Variants in PCDHGA8 observed in about 807,000 individuals in gnomAD.
The protein encoded by PCDHGA8 is protocadherin gamma-A8.
PCDHGA8 carries 45 observed loss-of-function variants against 59.2 expected under a neutral mutation model. The ratio of observed to expected loss-of-function variants is 0.76; its 90% CI spans 0.60 to 0.98. PCDHGA8 has a LOEUF of 0.98. PCDHGA8 is among the 50% of genes least tolerant of loss of function. The pLI, the probability that PCDHGA8 is intolerant of heterozygous loss-of-function variation, is 0.00. For missense variants in PCDHGA8, 1,257 were observed against 1,196.2 expected, an observed-to-expected ratio of 1.05 and a Z score of -0.75; for synonymous variants, 531 against 519.0, an observed-to-expected ratio of 1.02 and a Z score of -0.32.
At chr5:141,466,324 C>A (rs2154569179) in intron 1 of PCDHGA8, among the ~76,000 whole-genome samples, 1 of 152,218 alleles carries the variant, frequency 6.6e-6, no homozygotes, top group East Asian at 1.9e-4. Context: ...GCACATGCTA[C>A]CATGCCTGGA....
intron 1 of PCDHGA8, among the ~76,000 whole-genome samples, chr5:141,450,315 G>A (rs1319432573): frequency 1.3e-5 from 2 of 151,918 alleles, no homozygotes; most frequent in African/African-American, 4.8e-5. Context: ...GTGTGGCCTA[G>A]TTGCCATGTC....
intron 1 of PCDHGA8, chr5:141,423,829 A>G: frequency 7.9e-7 from 1 of 1,268,964 alleles, no homozygotes; most frequent in Non-Finnish European, 9.9e-7. Flanking sequence ...GCCTTTCATG[A>G]GATTACGATA....
At chr5:141,467,117 A>G (rs62379198) in intron 1 of PCDHGA8, among the ~76,000 whole-genome samples, 35,587 of 150,646 alleles carry the variant, frequency 0.24, 4,364 homozygotes, top group Admixed American at 0.32. Flanking sequence ...CAATGGTGCA[A>G]TCTCAGCTCA....
intron 1 of PCDHGA8, chr5:141,428,334 C>T: frequency 1.6e-6 from 1 of 618,848 alleles, no homozygotes; most frequent in Non-Finnish European, 2.9e-6. Flanking sequence ...TTTCTATGCT[C>T]TTCTTCCTCG....
rs1354360582 is a variant in PCDHGA8 at position 141,491,147 on chromosome 5, A to T, written c.2425-3660A>T. On this transcript the variant is annotated intron_variant, in intron 1 of 3. Transcript: ENST00000398604. The surrounding 1 kb of genome is among the most constrained non-coding windows in gnomAD (Gnocchi z 6.9). ...GTGCGCACAGCCCGGGCCTTACTGG[A>T]GGATGACTCTGACACCCAGCAGGTG... The T allele has an allele frequency of 1.9e-6, 3 of 1,613,980 alleles. No homozygotes were observed. The highest frequency in any genetic ancestry group is 2.5e-6 in the Non-Finnish European group (3 of 1,179,994).
Position 141,483,626 on chromosome 5 carries a change from G to A in PCDHGA8, c.2425-11181G>A, listed in dbSNP as rs112905417. On this transcript the variant is annotated intron_variant, in intron 1 of 3. Coordinates refer to ENST00000398604, the MANE Select transcript of PCDHGA8 (RefSeq NM_032088.2). ...TTACACCTCCATCATTCCCATGGGA[G>A]AAGGTATAGAGGGGTGTGTGTTTGT... Among the ~76,000 whole-genome samples the A allele has an allele frequency of 6.0e-4, 90 of 150,886 alleles. 1 individual carries two copies. The highest frequency in any genetic ancestry group is 1.7e-3 in the African/African-American group (69 of 40,378).
At position 141,393,712 on chromosome 5, in the gene PCDHGA8, A is replaced by G; in HGVS notation, c.899A>G (p.Glu300Gly). ...TTCCAGCTTAATGAAAATACTGGGG[A>G]AATATCAATAGCAAAAAGTCTAGAT... ...PLFQLNENTG[E>G]ISIAKSLDYE... Residue 300 changes from glutamate to glycine, a missense_variant, in exon 1 of 4, where the codon GAA becomes GGA. Coordinates refer to ENST00000398604, the MANE Select transcript of PCDHGA8 (RefSeq NM_032088.2). 1 of 1,613,874 alleles carries G rather than the reference A, an allele frequency of 6.2e-7. No individual in the cohort carries two copies. Among genetic ancestry groups the G allele is most frequent in the Non-Finnish European group, 8.5e-7 (1 of 1,179,898 alleles).
At chr5:141,484,437 T>C (rs2099596528) in intron 1 of PCDHGA8, among the ~76,000 whole-genome samples, 1 of 152,232 alleles carries the variant, frequency 6.6e-6, no homozygotes, top group African/African-American at 2.4e-5. Context: ...ATGTACTGCA[T>C]AAATTTAATT....
At chr5:141,435,026 C>T (rs977017371) in intron 1 of PCDHGA8, among the ~76,000 whole-genome samples, 1 of 151,978 alleles carries the variant, frequency 6.6e-6, no homozygotes, top group Non-Finnish European at 1.5e-5. Flanking sequence ...GCTCTTTTCC[C>T]ACTTTTATTT....
chr5:141,441,517 G>A (rs1316654534), intron 1 of PCDHGA8: 1 of 172,138 alleles, frequency 5.8e-6, no homozygotes, highest in South Asian at 1.3e-4. Flanking sequence ...CGTCGTCCAC[G>A]TGGCCAAGAA....
At chr5:141,412,233 A>T (rs866840267) in intron 1 of PCDHGA8, 1 of 152,256 alleles carries the variant, frequency 6.6e-6, no homozygotes, top group Non-Finnish European at 1.5e-5. Context: ...TTAAAAACCT[A>T]TATCACTACA....
chr5:141,497,649 C>T (rs973501351), intron 2 of PCDHGA8, among the ~76,000 whole-genome samples: 1 of 151,784 alleles, frequency 6.6e-6, no homozygotes, highest in Non-Finnish European at 1.5e-5. Context: ...AAGCGATTCT[C>T]CTGCCTCAGC....
chr5:141,494,820 AC>A lies in PCDHGA8; in HGVS notation c.2439del (p.Asn813LysfsTer39). 6.2e-7 allele frequency: 1 copy of A among 1,613,988 alleles called. No homozygotes were observed. The highest frequency in any genetic ancestry group is 2.2e-5 in the East Asian group (1 of 44,874). On this transcript the variant is annotated frameshift_variant, in exon 2 of 4. Coordinates refer to ENST00000398604, the MANE Select transcript of PCDHGA8 (RefSeq NM_032088.2). LOFTEE classifies it high-confidence loss of function. ...TTTTCTCCACAGCAAGCCCCGCCCA[AC>A]ACGGACTGGCGTTTCTCTCAGGCCC... ...EADHGQQAPP[N>X]TDWRFSQAQR...
intron 2 of PCDHGA8, among the ~76,000 whole-genome samples, chr5:141,497,809 G>A (rs1256990692): frequency 1.3e-5 from 2 of 152,190 alleles, no homozygotes. Context: ...CAAAGTGCTA[G>A]AATTACAGGT....
At chr5:141,428,188 G>T in intron 1 of PCDHGA8, 1 of 1,433,356 alleles carries the variant, frequency 7.0e-7, no homozygotes. Flanking sequence ...GACAGCCGCC[G>T]CTCTCTGCGC....
In PCDHGA8 at chr5:141,408,496, G is replaced by C. The variant is rs758752081; in HGVS notation, c.2424+13259G>C. On this transcript the variant is annotated intron_variant, in intron 1 of 3. Coordinates refer to ENST00000398604, the MANE Select transcript of PCDHGA8 (RefSeq NM_032088.2). The stretch of plus-strand genomic sequence containing the variant: ...TAGACCGTGAGCAAATATGCAAAGA[G>C]AGAAGAAGATGTGAGTTGCAATTGG... 21 of 1,613,960 alleles carry C rather than the reference G, an allele frequency of 1.3e-5. No individual in the cohort carries two copies. In the East Asian group the frequency reaches 1.3e-4, roughly 10 times the overall value.
chr5:141,450,675 CG>C (rs2098689980), intron 1 of PCDHGA8, among the ~76,000 whole-genome samples: 1 of 151,614 alleles, frequency 6.6e-6, no homozygotes, highest in Non-Finnish European at 1.5e-5. Flanking sequence ...TTAGTAGAAA[CG>C]GGGTTTTGCC....
rs2099417434 is a variant in PCDHGA8, at chr5:141,477,762, C to T, written c.2425-17045C>T. 1 of 1,613,968 alleles carries T rather than the reference C, an allele frequency of 6.2e-7. No homozygotes were observed. The highest frequency in any genetic ancestry group is 8.5e-7 in the Non-Finnish European group (1 of 1,180,032). On this transcript the variant is annotated intron_variant, in intron 1 of 3. Transcript: ENST00000398604. This position sits in a 1 kb window ranked among gnomAD's most constrained non-coding sequence, Gnocchi z 4.9. ...GATGGGGGCACCCCGGTCCTAGCCA[C>T]CAACATCAGCGTGAACATATTTGTC...
rs1414722237 is a variant in PCDHGA8 at position 141,432,748 on chromosome 5, C to T, written c.2424+37511C>T. On this transcript the variant is annotated intron_variant, in intron 1 of 3. Coordinates refer to ENST00000398604, the MANE Select transcript of PCDHGA8 (RefSeq NM_032088.2). The surrounding 1 kb of genome is among the most constrained non-coding windows in gnomAD (Gnocchi z 6.0). ...CCGCCACTGTCACGCTCACCGTGGC[C>T]GTGGCCGACAGCATCCCCCAAGTCC... 1 of 1,614,120 alleles carries T rather than the reference C, an allele frequency of 6.2e-7. No homozygotes were observed. The highest frequency in any genetic ancestry group is 8.5e-7 in the Non-Finnish European group (1 of 1,179,980).
Sources: allele counts gnomAD v4.1 joint callset (sites outside exome capture counted in the v4.1 genomes callset), GRCh38; gene constraint gnomAD v4.1.1; non-coding constraint Gnocchi (gnomAD v3.1); transcripts MANE v1.5; gene names NCBI Gene and HGNC (gene_info 2026-07-23, HGNC 2026-07-21).